NDUFB9: variants seen among roughly 807,000 people sequenced by gnomAD.
NDUFB9 encodes NADH:ubiquinone oxidoreductase subunit B9.
In NDUFB9, 24 loss-of-function variants were observed where a neutral mutation model predicts 30.2. The ratio of observed to expected loss-of-function variants is 0.80; its 90% CI spans 0.58 to 1.12. NDUFB9 has a LOEUF of 1.12. Ranked by LOEUF, NDUFB9 falls within the 50% of genes most tolerant of loss-of-function variation. The pLI is 0.00. For missense variants in NDUFB9, 204 were observed against 226.0 expected (o/e 0.90, Z 0.62); for synonymous variants, 80 against 84.0 (o/e 0.95, Z 0.26).
chr8:124,540,314 C>G (rs781523769), intron 1 of NDUFB9, among the ~76,000 whole-genome samples: 1 of 152,144 alleles, frequency 6.6e-6, no homozygotes, highest in Admixed American at 6.6e-5. Flanking sequence ...ATTCTATGCT[C>G]TATGCTAAAT....
At position 124,543,152 on chromosome 8, in the gene NDUFB9, A is replaced by T; in HGVS notation, c.167A>T (p.Asp56Val). ...TTTGAAGAACATAAGAATGAAAAGG[A>T]TATGGCGAAGGCCACCCAGCTGCTG... ...ARFEEHKNEK[D>V]MAKATQLLKE... is the part of the protein sequence containing the mutation. The change falls in exon 2 of 4, where the codon GAT becomes GTT. Residue 56 changes from aspartate to valine, a missense_variant. Transcript: ENST00000276689. 6.8e-6 allele frequency: 11 copies of T among 1,614,224 alleles called. No homozygotes were observed. Among genetic ancestry groups the T allele is most frequent in the South Asian group, 1.1e-5 (1 of 91,086 alleles).
At chr8:124,541,643 G>C (rs1362924423) in intron 1 of NDUFB9, among the ~76,000 whole-genome samples, 1 of 152,116 alleles carries the variant, frequency 6.6e-6, no homozygotes, top group Non-Finnish European at 1.5e-5. Context: ...CGCTTATGTT[G>C]CCCAGGCTGG....
chr8:124,548,265 T>C (rs553428474), intron 3 of NDUFB9, among the ~76,000 whole-genome samples: 1 of 152,272 alleles, frequency 6.6e-6, no homozygotes, highest in African/African-American at 2.4e-5. Flanking sequence ...TGGAGAGATG[T>C]ATGGAATCCT....
intron 2 of NDUFB9, among the ~76,000 whole-genome samples, chr8:124,544,362 A>G (rs751976602): frequency 3.1e-4 from 47 of 152,262 alleles, no homozygotes; most frequent in Non-Finnish European, 5.4e-4. Flanking sequence ...TTATTACACA[A>G]AATCTGGCTA....
intron 3 of NDUFB9, 79 bp from the exon 4 acceptor site, chr8:124,549,682 T>A: frequency 7.3e-7 from 1 of 1,367,510 alleles, no homozygotes; most frequent in South Asian, 1.2e-5. Context: ...GACATAAAGC[T>A]GACCCTTCAC....
chr8:124,547,054 G>A lies in NDUFB9; in HGVS notation c.349G>A (p.Asp117Asn). ...TCCTTCTGAGAAGGCAATGTATCCT[G>A]ATTACTTTGCCAAGAGAGAACAGTG... ...WHPSEKAMYP[D>N]YFAKREQWKK... Residue 117 changes from aspartate to asparagine, a missense_variant, in exon 3 of 4, where the codon GAT becomes AAT. Coordinates refer to ENST00000276689, the MANE Select transcript of NDUFB9 (RefSeq NM_005005.3). 1 of 1,613,400 alleles carries A rather than the reference G, an allele frequency of 6.2e-7. No homozygotes were observed. The highest frequency in any genetic ancestry group is 8.5e-7 in the Non-Finnish European group (1 of 1,180,022).
At chr8:124,541,925 T>G (rs4871499) in intron 1 of NDUFB9, among the ~76,000 whole-genome samples, 54,968 of 148,742 alleles carry the variant, frequency 0.37, 10,641 homozygotes, top group Middle Eastern at 0.44. Flanking sequence ...TGTTGTTGTT[T>G]TTTTTTGAGA....
At chr8:124,544,256 TAG>T (rs1220182100) in intron 2 of NDUFB9, among the ~76,000 whole-genome samples, 1 of 152,110 alleles carries the variant, frequency 6.6e-6, no homozygotes, top group East Asian at 1.9e-4. Context: ...TGGAAGCTAA[TAG>T]AGGTTGGTCC....
chr8:124,543,459 T>G (rs781649032), intron 2 of NDUFB9, among the ~76,000 whole-genome samples, 180 bp downstream of exon 2: 3 of 152,226 alleles, frequency 2.0e-5, no homozygotes, highest in Non-Finnish European at 4.4e-5. Context: ...TTGGCAGATA[T>G]TGTATTTTCA....
At chr8:124,546,776 G>T (rs967195345) in intron 2 of NDUFB9, 3 of 592,826 alleles carry the variant, frequency 5.1e-6, no homozygotes, top group African/African-American at 3.7e-5. Flanking sequence ...TTGGACTGAT[G>T]ATGGTGCTAT....
intron 3 of NDUFB9, chr8:124,547,375 C>T: frequency 3.3e-6 from 2 of 607,734 alleles, no homozygotes; most frequent in Non-Finnish European, 5.8e-6. Context: ...GACTTTTTTG[C>T]CTTCTTGCTA....
chr8:124,549,904 C>T lies in NDUFB9; in HGVS notation c.*12C>T, dbSNP rs762137635. The stretch of plus-strand genomic sequence containing the variant: ...AGCGGCCCATGTAGAAAGAGAGAGA[C>T]CTCATCTTTCATGCTTGCAAGTGAA... On this transcript the variant is annotated 3_prime_UTR_variant, in exon 4 of 4. Transcript: ENST00000276689. The T allele has an allele frequency of 3.0e-5, 48 of 1,614,016 alleles. No homozygotes were observed. In the East Asian group the frequency reaches 1.1e-3, roughly 36 times the overall value.
intron 3 of NDUFB9, chr8:124,547,339 A>C (rs1379460462): frequency 1.6e-6 from 1 of 633,688 alleles, no homozygotes; most frequent in Non-Finnish European, 2.8e-6. Flanking sequence ...TTTGCTTCAG[A>C]TCTCCTTCTC....
rs1045347878 is a variant in NDUFB9 at position 124,547,418 on chromosome 8, C to T, written c.408+305C>T. ...CCTCAACCTGCCTCTCCACTATTTT[C>T]TTAGGCATTTTTCAGTCATGTTAGG... On this transcript the variant is annotated intron_variant, in intron 3 of 3. Coordinates refer to ENST00000276689, the MANE Select transcript of NDUFB9 (RefSeq NM_005005.3). 4 of 600,812 alleles carry T rather than the reference C, an allele frequency of 6.7e-6. No homozygotes were observed. In the Admixed American group the frequency reaches 8.9e-5, roughly 13 times the overall value. 37.2% of individuals were successfully genotyped at this position (600,812 alleles called of 1,614,324 possible). A position where few individuals can be genotyped will look rare whatever the true frequency, so the allele number is the denominator to read the frequency against.
At chr8:124,548,196 C>T (rs1822213478) in intron 3 of NDUFB9, among the ~76,000 whole-genome samples, 1 of 152,120 alleles carries the variant, frequency 6.6e-6, no homozygotes, top group African/African-American at 2.4e-5. Context: ...AAATCTGGAA[C>T]TCCCAGGAGA....
Position 124,543,158 on chromosome 8 carries a change from C to T in NDUFB9, c.173C>T (p.Ala58Val), listed in dbSNP as rs1156454853. 14 of 1,614,194 alleles carry T rather than the reference C, an allele frequency of 8.7e-6. No homozygotes were observed. The highest frequency in any genetic ancestry group is 1.7e-5 in the Admixed American group (1 of 60,028). Residue 58 changes from alanine to valine, a missense_variant, in exon 2 of 4, where the codon GCG becomes GTG. Physicochemically the swap from Ala to Val is moderately conservative, Grantham distance 64. Transcript: ENST00000276689. ...GAACATAAGAATGAAAAGGATATGGCGAAGGCCACCCAGCTGCTGAAGGAG... is the reference window on the plus strand; with the variant it reads ...GAACATAAGAATGAAAAGGATATGGTGAAGGCCACCCAGCTGCTGAAGGAG... ...FEEHKNEKDMAKATQLLKEAE... is the reference protein window; with the variant it reads ...FEEHKNEKDMVKATQLLKEAE...
chr8:124,548,665 A>G (rs557702627), intron 3 of NDUFB9, among the ~76,000 whole-genome samples: 8 of 152,330 alleles, frequency 5.3e-5, no homozygotes, highest in Non-Finnish European at 1.2e-4. Context: ...TCTGTTGCTC[A>G]GAGAGTGACA....
intron 3 of NDUFB9, chr8:124,547,584 G>T: frequency 3.2e-6 from 1 of 308,132 alleles, no homozygotes; most frequent in Non-Finnish European, 6.1e-6. Context: ...ACACTAGGGT[G>T]GATGAAGTGG....
chr8:124,547,495 A>C, intron 3 of NDUFB9: 1 of 535,478 alleles, frequency 1.9e-6, no homozygotes, highest in Middle Eastern at 5.0e-4. Flanking sequence ...TGAAGAATAT[A>C]TTGGAGAGGG....
Sources: allele counts gnomAD v4.1 joint callset (sites outside exome capture counted in the v4.1 genomes callset), GRCh38; gene constraint gnomAD v4.1.1; transcripts MANE v1.5; gene names NCBI Gene and HGNC (gene_info 2026-07-23, HGNC 2026-07-21).